The following CCDC15 variants were observed in gnomAD, a reference collection of about 807,000 sequenced individuals.
CCDC15 encodes coiled-coil domain containing 15.
CCDC15 carries 105 observed loss-of-function variants against 114.5 expected under a neutral mutation model. The observed-to-expected ratio is 0.92, with a 90% CI of 0.78 to 1.08. The LOEUF is 1.08. CCDC15 is among the 50% of genes least tolerant of loss of function. CCDC15 has a pLI of 0.00. For missense variants in CCDC15, 1,105 were observed against 1,093.6 expected, an observed-to-expected ratio of 1.01 and a Z score of -0.15; for synonymous variants, 334 against 377.8, an observed-to-expected ratio of 0.88 and a Z score of 1.34.
At chr11:125,000,044 G>A (rs939779890) in intron 11 of CCDC15, among the ~76,000 whole-genome samples, 7 of 151,056 alleles carry the variant, frequency 4.6e-5, no homozygotes, top group African/African-American at 1.5e-4. Context: ...TTTATTTTTA[G>A]TGGAAACGGG....
chr11:125,038,925 G>A lies in CCDC15; in HGVS notation c.2590G>A (p.Val864Ile), dbSNP rs201716943. The change falls in exon 15 of 16, where the codon GTA (valine) becomes ATA (isoleucine). Residue 864 changes from valine (V) to isoleucine (I), a missense_variant. Physicochemically the swap from Val to Ile is conservative, Grantham distance 29 (BLOSUM62 3). Coordinates refer to ENST00000344762, the MANE Select transcript of CCDC15 (RefSeq NM_025004.3). ...QQREKEYLRY[V>I]EALRAQIQEK... The stretch of plus-strand genomic sequence containing the variant: ...GATTATACTTTATTTGTACAGATAT[G>A]TAGAAGCTTTACGAGCCCAAATCCA... 491 of 1,612,944 alleles carry A rather than the reference G, an allele frequency of 3.0e-4. 4 individuals are homozygous for A. Among genetic ancestry groups the A allele is most frequent in the South Asian group, 8.7e-4 (79 of 90,948 alleles).
intron 6 of CCDC15, among the ~76,000 whole-genome samples, chr11:124,978,511 C>T (rs914351806): frequency 3.3e-5 from 5 of 152,080 alleles, no homozygotes; most frequent in African/African-American, 9.7e-5. Flanking sequence ...TGTCCACAGC[C>T]GTGTCAGCAT....
At chr11:124,967,291 G>A (rs1947801514) in intron 4 of CCDC15, among the ~76,000 whole-genome samples, 1 of 152,064 alleles carries the variant, frequency 6.6e-6, no homozygotes, top group African/African-American at 2.4e-5. Flanking sequence ...CATAGATTTG[G>A]TCTTTTCACA....
At chr11:125,005,883 A>G (rs920733878) in intron 13 of CCDC15, among the ~76,000 whole-genome samples, 4 of 152,146 alleles carry the variant, frequency 2.6e-5, no homozygotes, top group Non-Finnish European at 5.9e-5. Context: ...ATGCTTTTTT[A>G]TGGCTTGATA....
At chr11:125,037,696 A>G (rs1948785140) in intron 13 of CCDC15, among the ~76,000 whole-genome samples, 1 of 152,208 alleles carries the variant, frequency 6.6e-6, no homozygotes. Context: ...CCATCTGTCA[A>G]GGAGCAGTGT....
At chr11:124,954,641 C>T (rs1265878192) in intron 1 of CCDC15, 83 bp from the exon 2 acceptor site, 7 of 1,216,528 alleles carry the variant, frequency 5.8e-6, no homozygotes, top group African/African-American at 4.5e-5. Flanking sequence ...CTCCTTTTCA[C>T]GGGCCTGTGG....
chr11:124,968,151 C>G (rs1431040232), intron 4 of CCDC15, among the ~76,000 whole-genome samples: 1 of 152,230 alleles, frequency 6.6e-6, no homozygotes, highest in Non-Finnish European at 1.5e-5. Flanking sequence ...TCTCAGAGCT[C>G]AAACTTCATG....
At chr11:125,040,052 GT>G (rs5795442) in intron 15 of CCDC15, among the ~76,000 whole-genome samples, 10 of 146,036 alleles carry the variant, frequency 6.8e-5, no homozygotes, top group East Asian at 2.0e-4. Context: ...TTTTGTTTTT[GT>G]TTTTTTTTTT....
chr11:125,025,221 G>A (rs1210926180), intron 13 of CCDC15, among the ~76,000 whole-genome samples: 1 of 148,544 alleles, frequency 6.7e-6, no homozygotes, highest in Non-Finnish European at 1.5e-5. Flanking sequence ...TGAAAGAAAT[G>A]AATGTTAAAC....
chr11:125,009,460 C>T (rs1251950161), intron 13 of CCDC15, among the ~76,000 whole-genome samples: 1 of 152,054 alleles, frequency 6.6e-6, no homozygotes, highest in African/African-American at 2.4e-5. Flanking sequence ...GTTCAAATAG[C>T]ATAATGAATA....
At chr11:125,035,352 G>C (rs1195134031) in intron 13 of CCDC15, among the ~76,000 whole-genome samples, 1 of 151,764 alleles carries the variant, frequency 6.6e-6, no homozygotes, top group Non-Finnish European at 1.5e-5. Context: ...TTTTTTTATA[G>C]TTTTTGTCTT....
intron 13 of CCDC15, among the ~76,000 whole-genome samples, chr11:125,033,667 C>T (rs1452263199): frequency 6.6e-6 from 1 of 152,164 alleles, no homozygotes; most frequent in Non-Finnish European, 1.5e-5. Context: ...CGTTCTAAAC[C>T]AAGGGAGGAA....
chr11:124,983,877 G>A (rs935374688), intron 6 of CCDC15, among the ~76,000 whole-genome samples: 3 of 152,280 alleles, frequency 2.0e-5, no homozygotes, highest in Non-Finnish European at 4.4e-5. Flanking sequence ...TGCACCAGAG[G>A]ATGGAGCGGC....
At chr11:124,959,398 T>C in intron 3 of CCDC15, 134 bp downstream of exon 3, 1 of 791,458 alleles carries the variant, frequency 1.3e-6, no homozygotes, top group Admixed American at 3.9e-5. Flanking sequence ...GTGAAGACAG[T>C]AAATTTTTTT....
intron 13 of CCDC15, among the ~76,000 whole-genome samples, chr11:125,023,445 A>G (rs555605757): frequency 1.3e-5 from 2 of 152,152 alleles, no homozygotes; most frequent in South Asian, 2.1e-4. Context: ...TTACAACTCA[A>G]TAGTAAAAAG....
chr11:124,993,484 G>GC lies in CCDC15; in HGVS notation c.2214+242dup, dbSNP rs141439369. ...AACTACCTCAGTCTTCTTGACTGAA[G>GC]CTTTTACCATTGCCACAGGAATGAT... On this transcript the variant is annotated intron_variant, in intron 11 of 15. Transcript: ENST00000344762. Among the ~76,000 whole-genome samples the GC allele has an allele frequency of 1.4e-4, 22 of 152,274 alleles. No homozygotes were observed. The East Asian group carries it at 3.9e-3, about 27-fold the overall frequency.
chr11:124,961,023 A>C (rs903013846), intron 4 of CCDC15, among the ~76,000 whole-genome samples: 11 of 152,054 alleles, frequency 7.2e-5, no homozygotes, highest in Non-Finnish European at 1.0e-4. Context: ...TACTATTAAA[A>C]TTTTTTTCTT....
intron 13 of CCDC15, among the ~76,000 whole-genome samples, chr11:125,008,486 C>A (rs1948566946): frequency 1.3e-5 from 2 of 152,208 alleles, no homozygotes; most frequent in South Asian, 4.1e-4. Flanking sequence ...TTCTTCTTTC[C>A]CAGTCTGTAT....
At chr11:125,014,458 G>A (rs1015167405) in intron 13 of CCDC15, among the ~76,000 whole-genome samples, 1 of 152,166 alleles carries the variant, frequency 6.6e-6, no homozygotes, top group Non-Finnish European at 1.5e-5. Flanking sequence ...CAAGATACTA[G>A]TATTAGTAGA....
Sources: allele counts gnomAD v4.1 joint callset (sites outside exome capture counted in the v4.1 genomes callset), GRCh38; gene constraint gnomAD v4.1.1; transcripts MANE v1.5; gene names NCBI Gene and HGNC (gene_info 2026-07-23, HGNC 2026-07-21).